The following SERTM1 variants were observed in gnomAD, a reference collection of about 807,000 sequenced individuals.
SERTM1 encodes the protein serine-rich and transmembrane domain-containing protein 1.
Under a neutral mutation model 5.5 loss-of-function variants are expected in SERTM1, and 1 was observed. That is an observed-to-expected ratio of 0.18 (90% confidence interval 0.06 to 0.86). SERTM1 has a LOEUF of 0.86. Among genes scored for constraint, SERTM1 ranks in the 40% least tolerant of loss-of-function variants. The probability of loss-of-function intolerance (pLI) is 0.69; values close to 1 mark genes in which losing one functional copy is unlikely to be tolerated. For missense variants in SERTM1, 91 were observed against 122.4 expected, an observed-to-expected ratio of 0.74 and a Z score of 1.21; for synonymous variants, 52 against 55.1, an observed-to-expected ratio of 0.94 and a Z score of 0.25.
intron 1 of SERTM1, among the ~76,000 whole-genome samples, chr13:36,692,440 T>C (rs1317073876): frequency 6.6e-6 from 1 of 152,172 alleles, no homozygotes; most frequent in Non-Finnish European, 1.5e-5. Context: ...TCCAGCACCA[T>C]CCCTGAAAAT....
chr13:36,692,936 G>A (rs1411646600), intron 1 of SERTM1, among the ~76,000 whole-genome samples: 1 of 152,160 alleles, frequency 6.6e-6, no homozygotes, highest in Non-Finnish European at 1.5e-5. Flanking sequence ...AATAATTCCT[G>A]CTTTACCTGC....
intron 1 of SERTM1, among the ~76,000 whole-genome samples, chr13:36,688,470 C>A (rs1433906393): frequency 6.6e-6 from 1 of 152,170 alleles, no homozygotes. Context: ...GCCTCAGCCT[C>A]CCAAAGTGCT....
chr13:36,682,025 A>G (rs188540282), intron 1 of SERTM1, among the ~76,000 whole-genome samples: 181 of 152,354 alleles, frequency 1.2e-3, no homozygotes, highest in African/African-American at 4.3e-3. Flanking sequence ...TATTGCCATA[A>G]TTGAAACACT....
intron 1 of SERTM1, among the ~76,000 whole-genome samples, chr13:36,680,319 G>C (rs1421454338): frequency 1.3e-5 from 2 of 152,076 alleles, no homozygotes; most frequent in South Asian, 4.1e-4. Context: ...TTCAAGTGTC[G>C]CCTTATTATC....
Position 36,697,364 on chromosome 13 carries a change from G to A in SERTM1, c.*1962G>A, listed in dbSNP as rs773560442. On this transcript the variant is annotated 3_prime_UTR_variant, in exon 2 of 2. Transcript: ENST00000315190. ...ACTCACATACTCCCAATTAAAAGTC[G>A]TGTGAAAGCTACACAGGATTACAGA... 20 of 162,980 alleles carry A rather than the reference G, an allele frequency of 1.2e-4. No homozygotes were observed. The highest frequency in any genetic ancestry group is 3.9e-4 in the East Asian group (2 of 5,134). 10.1% of individuals were successfully genotyped at this position (162,980 alleles called of 1,614,324 possible). A position where few individuals can be genotyped will look rare whatever the true frequency, so the allele number is the denominator to read the frequency against.
At chr13:36,676,123 C>A (rs1208738519) in intron 1 of SERTM1, among the ~76,000 whole-genome samples, 1 of 152,084 alleles carries the variant, frequency 6.6e-6, no homozygotes, top group East Asian at 1.9e-4. Flanking sequence ...GGCATCAAAT[C>A]CACGAGAGAG....
chr13:36,697,312 A>AAT lies in SERTM1; in HGVS notation c.*1934_*1935dup, dbSNP rs57478418. On this transcript the variant is annotated 3_prime_UTR_variant, in exon 2 of 2. Coordinates refer to ENST00000315190, the MANE Select transcript of SERTM1 (RefSeq NM_203451.3). ...ATACGCACACACACACACACACATA[A>AAT]ATATATATATATATATATATATATA... 0.095 allele frequency: 13,942 copies of AAT among 146,054 alleles called. 707 individuals are homozygous for AAT. The highest frequency in any genetic ancestry group is 0.16 in the African/African-American group (5,924 of 36,094). 9.0% of individuals were successfully genotyped at this position (146,054 alleles called of 1,614,324 possible).
chr13:36,684,547 C>T (rs1022061321), intron 1 of SERTM1, among the ~76,000 whole-genome samples: 9 of 152,004 alleles, frequency 5.9e-5, no homozygotes, highest in Admixed American at 3.3e-4. Flanking sequence ...GTTTGCCTTC[C>T]TCTGCCAATC....
At chr13:36,680,128 G>A (rs77493167) in intron 1 of SERTM1, among the ~76,000 whole-genome samples, 1 of 152,268 alleles carries the variant, frequency 6.6e-6, no homozygotes, top group Non-Finnish European at 1.5e-5. Flanking sequence ...TTGGATAAGG[G>A]ATAAGGGATA....
chr13:36,680,977 A>G (rs958705027), intron 1 of SERTM1, among the ~76,000 whole-genome samples: 1 of 152,184 alleles, frequency 6.6e-6, no homozygotes, highest in Non-Finnish European at 1.5e-5. Flanking sequence ...ATGAATGAAA[A>G]AAGAGAATAT....
At position 36,682,090 on chromosome 13, in the gene SERTM1, C is replaced by A. The variant is rs573455499; in HGVS notation, c.-174+7906C>A. Reference sequence around the variant, plus strand: ...TATTCTTTACTGTTGATGCTTACCCCCTTTGAGTAATCTTTATGATTTTAC... The same window carrying A: ...TATTCTTTACTGTTGATGCTTACCCACTTTGAGTAATCTTTATGATTTTAC... On this transcript the variant is annotated intron_variant, in intron 1 of 1. Coordinates refer to ENST00000315190, the MANE Select transcript of SERTM1 (RefSeq NM_203451.3). Among the ~76,000 whole-genome samples, 26 of 152,250 alleles carry A rather than the reference C, an allele frequency of 1.7e-4. No individual in the cohort carries two copies. The South Asian group carries it at 4.4e-3, about 26-fold the overall frequency.
chr13:36,693,619 C>T (rs2056793756), intron 1 of SERTM1, among the ~76,000 whole-genome samples: 5 of 152,152 alleles, frequency 3.3e-5, no homozygotes, highest in Admixed American at 3.3e-4. Context: ...ATCATTAGTG[C>T]TGTTCAGCTC....
chr13:36,680,016 G>GCT (rs1274183825), intron 1 of SERTM1, among the ~76,000 whole-genome samples: 3 of 152,074 alleles, frequency 2.0e-5, no homozygotes, highest in African/African-American at 7.2e-5. Context: ...AATGAATTTT[G>GCT]TGTTTAGGCT....
rs2056810677 is a variant in SERTM1, at chr13:36,695,921, T to C, written c.*519T>C. ...TGACATTTCTAAAACTGAGGGTAAA[T>C]ATATGCTAAATATTTTCTTTAACTT... On this transcript the variant is annotated 3_prime_UTR_variant, in exon 2 of 2. Coordinates refer to ENST00000315190, the MANE Select transcript of SERTM1 (RefSeq NM_203451.3). 1 of 167,440 alleles carries C rather than the reference T, an allele frequency of 6.0e-6. No individual in the cohort carries two copies. Among genetic ancestry groups the C allele is most frequent in the Admixed American group, 6.5e-5 (1 of 15,302 alleles). 10.4% of individuals were successfully genotyped at this position (167,440 alleles called of 1,614,324 possible).
chr13:36,684,779 T>C (rs1347909292), intron 1 of SERTM1, among the ~76,000 whole-genome samples: 2 of 152,054 alleles, frequency 1.3e-5, no homozygotes, highest in Admixed American at 1.3e-4. Context: ...AGAGCTCACA[T>C]CATCTAAAAG....
intron 1 of SERTM1, among the ~76,000 whole-genome samples, chr13:36,675,765 C>T (rs2056666007): frequency 6.6e-6 from 1 of 152,154 alleles, no homozygotes; most frequent in South Asian, 2.1e-4. Context: ...CTCCCTCAGC[C>T]CATGCCCTAG....
chr13:36,690,395 G>A (rs954380341), intron 1 of SERTM1, among the ~76,000 whole-genome samples: 10 of 152,308 alleles, frequency 6.6e-5, no homozygotes, highest in Admixed American at 4.6e-4. Context: ...AGGGTAGCAC[G>A]TAAGATAGTA....
intron 1 of SERTM1, among the ~76,000 whole-genome samples, chr13:36,681,680 T>C (rs1347181457): frequency 2.0e-5 from 3 of 152,226 alleles, no homozygotes; most frequent in African/African-American, 7.2e-5. Flanking sequence ...GATAAAGGAT[T>C]TGTGATTTTC....
intron 1 of SERTM1, among the ~76,000 whole-genome samples, chr13:36,675,519 A>G (rs933983354): frequency 6.6e-6 from 1 of 152,074 alleles, no homozygotes; most frequent in Admixed American, 6.5e-5. Context: ...ACCCTCTGAA[A>G]AAAACAATAT....
Sources: allele counts gnomAD v4.1 joint callset (sites outside exome capture counted in the v4.1 genomes callset), GRCh38; gene constraint gnomAD v4.1.1; transcripts MANE v1.5; gene names NCBI Gene and HGNC (gene_info 2026-07-23, HGNC 2026-07-21).